MYT1L: variants seen among roughly 807,000 people sequenced by gnomAD.
The protein encoded by MYT1L is myelin transcription factor 1 like.
Under a neutral mutation model 126.7 loss-of-function variants are expected in MYT1L, and 12 were observed. The ratio of observed to expected loss-of-function variants is 0.09; its 90% CI spans 0.06 to 0.15. The LOEUF is 0.15. Among genes scored for constraint, MYT1L ranks in the 10% least tolerant of loss-of-function variants. MYT1L has a pLI of 1.00. For missense variants in MYT1L, 979 were observed against 1,585.2 expected, an observed-to-expected ratio of 0.62 and a Z score of 6.49; for synonymous variants, 541 against 604.2, an observed-to-expected ratio of 0.90 and a Z score of 1.53.
chr2:1,981,518 T>C (rs2060607751), intron 5 of MYT1L, among the ~76,000 whole-genome samples: 1 of 152,094 alleles, frequency 6.6e-6, no homozygotes, highest in African/African-American at 2.4e-5. Context: ...ATGAGTCCAT[T>C]TGCTGGGAAT....
At chr2:2,018,212 C>A (rs900892587) in intron 4 of MYT1L, among the ~76,000 whole-genome samples, 4 of 152,178 alleles carry the variant, frequency 2.6e-5, no homozygotes, top group Admixed American at 2.0e-4. Context: ...TATTCTAGGG[C>A]AGACAGAATA....
At chr2:1,964,558 C>A (rs1015553984) in intron 8 of MYT1L, among the ~76,000 whole-genome samples, 1 of 152,102 alleles carries the variant, frequency 6.6e-6, no homozygotes, top group Non-Finnish European at 1.5e-5. Context: ...CTCCAAAATA[C>A]TTTGAATTGT....
intron 23 of MYT1L, chr2:1,800,211 A>G (rs1336658055): frequency 6.6e-6 from 1 of 152,274 alleles, no homozygotes; most frequent in East Asian, 1.9e-4. Context: ...AGTCTCCTAT[A>G]CAGTCCAAGA....
chr2:2,012,017 T>C (rs1212961017), intron 4 of MYT1L, among the ~76,000 whole-genome samples: 1 of 152,170 alleles, frequency 6.6e-6, no homozygotes, highest in Non-Finnish European at 1.5e-5. Flanking sequence ...TAGAAAACAG[T>C]GAGGCAGCTC....
At chr2:1,823,817 C>T (rs1327401201) in intron 21 of MYT1L, among the ~76,000 whole-genome samples, 3 of 152,348 alleles carry the variant, frequency 2.0e-5, no homozygotes, top group Admixed American at 6.5e-5. Flanking sequence ...TGGCGGCCCT[C>T]GTCCCGTGTG....
intron 4 of MYT1L, among the ~76,000 whole-genome samples, chr2:2,018,881 G>T (rs543173355): frequency 6.6e-6 from 1 of 152,124 alleles, no homozygotes; most frequent in South Asian, 2.1e-4. Context: ...AAGGAGGGCT[G>T]CTCTCCACCT....
intron 4 of MYT1L, among the ~76,000 whole-genome samples, chr2:2,031,781 G>C (rs1464196594): frequency 9.7e-5 from 11 of 113,958 alleles, no homozygotes; most frequent in East Asian, 2.9e-4. Flanking sequence ...CACACCCCTC[G>C]CCAGTGCCTC....
intron 2 of MYT1L, among the ~76,000 whole-genome samples, chr2:2,221,144 G>A (rs1174121388): frequency 6.6e-6 from 1 of 152,086 alleles, no homozygotes; most frequent in Non-Finnish European, 1.5e-5. Context: ...TTTTTCATGG[G>A]GGCTTTGAAA....
intron 2 of MYT1L, among the ~76,000 whole-genome samples, chr2:2,259,518 T>C (rs947232897): frequency 6.6e-6 from 1 of 152,118 alleles, no homozygotes; most frequent in African/African-American, 2.4e-5. Context: ...GTATCTTAAA[T>C]ACATATAGTT....
intron 3 of MYT1L, among the ~76,000 whole-genome samples, chr2:2,071,481 T>C (rs2074590482): frequency 6.6e-6 from 1 of 152,272 alleles, no homozygotes; most frequent in South Asian, 2.1e-4. Flanking sequence ...TACCATACAA[T>C]ACGATAAATG....
intron 1 of MYT1L, among the ~76,000 whole-genome samples, chr2:2,302,039 C>G (rs976876419): frequency 5.9e-5 from 9 of 152,090 alleles, no homozygotes; most frequent in African/African-American, 2.2e-4. Context: ...CAATGGCCCT[C>G]TTTCTATTCC....
At chr2:1,926,731 GT>G (rs1279729849) in intron 9 of MYT1L, among the ~76,000 whole-genome samples, 1 of 152,160 alleles carries the variant, frequency 6.6e-6, no homozygotes, top group African/African-American at 2.4e-5. Flanking sequence ...TAGAGACAAG[GT>G]TTTGCCATGT....
chr2:2,013,752 C>T (rs563512844), intron 4 of MYT1L, among the ~76,000 whole-genome samples: 43 of 152,346 alleles, frequency 2.8e-4, no homozygotes, highest in African/African-American at 9.6e-4. Flanking sequence ...GAGAGCCCTG[C>T]TGGCCCAGGT....
intron 21 of MYT1L, among the ~76,000 whole-genome samples, chr2:1,831,243 AC>A (rs1298304599): frequency 6.6e-6 from 1 of 151,240 alleles, no homozygotes; most frequent in Non-Finnish European, 1.5e-5. Flanking sequence ...TGCTCTGAGG[AC>A]CCCCAGCTCC....
chr2:2,175,899 C>T (rs899962704), intron 2 of MYT1L, among the ~76,000 whole-genome samples: 13 of 152,188 alleles, frequency 8.5e-5, no homozygotes, highest in Admixed American at 3.9e-4. Flanking sequence ...GACTAACAGC[C>T]GTAGGAGCTC....
chr2:1,820,032 G>T (rs934285476), intron 21 of MYT1L, among the ~76,000 whole-genome samples: 11 of 71,016 alleles, frequency 1.5e-4, no homozygotes, highest in Non-Finnish European at 2.6e-4. Flanking sequence ...AGAGGGCAGT[G>T]GGGGGGGGCC....
intron 3 of MYT1L, among the ~76,000 whole-genome samples, chr2:2,134,674 G>A (rs1371179990): frequency 6.6e-6 from 1 of 152,168 alleles, no homozygotes; most frequent in African/African-American, 2.4e-5. Flanking sequence ...GGAAATGGGC[G>A]CTTACCAGAC....
intron 1 of MYT1L, among the ~76,000 whole-genome samples, chr2:2,323,116 G>A (rs1395611133): frequency 6.6e-6 from 1 of 152,108 alleles, no homozygotes; most frequent in Non-Finnish European, 1.5e-5. Flanking sequence ...TCAAAAGCAA[G>A]TTTCAGCAGC....
intron 1 of MYT1L, among the ~76,000 whole-genome samples, chr2:2,329,927 A>G (rs2096274637): frequency 6.6e-6 from 1 of 151,096 alleles, no homozygotes; most frequent in Non-Finnish European, 1.5e-5. Flanking sequence ...AACACTTTGG[A>G]TTCAAAGTTC....
Sources: gnomAD v4.1 joint callset for allele counts (sites outside exome capture counted in the v4.1 genomes callset) on GRCh38, gnomAD v4.1.1 for gene constraint, MANE v1.5 for transcripts, NCBI Gene and HGNC (gene_info 2026-07-23, HGNC 2026-07-21) for gene names.